Variants in TERF2IP observed in about 807,000 individuals in gnomAD.
TERF2IP encodes TERF2 interacting protein.
TERF2IP carries 35 observed loss-of-function variants against 33.3 expected under a neutral mutation model. The observed-to-expected ratio is 1.05, with a 90% CI of 0.80 to 1.39. The LOEUF (loss-of-function observed/expected upper bound fraction) is 1.39, where lower values mean the gene tolerates loss of function less well. Among genes scored for constraint, TERF2IP ranks in the 40% most tolerant of loss-of-function variants. The pLI is 0.00. For missense variants in TERF2IP, 583 were observed against 524.8 expected, an observed-to-expected ratio of 1.11 and a Z score of -1.08; for synonymous variants, 253 against 223.2, an observed-to-expected ratio of 1.13 and a Z score of -1.19.
chr16:75,654,305 G>A lies in TERF2IP; in HGVS notation c.703G>A (p.Glu235Lys). ...PQNKRTPDLP[E>K]EEYVKEEIQE... ...GAATAAGAGAACTCCAGATTTGCCT[G>A]AAGAAGAGTATGTGAAGGAAGAAAT... Residue 235 changes from glutamate (E) to lysine (K), a missense_variant, in exon 2 of 3, where the codon GAA becomes AAA. Physicochemically the swap from Glu to Lys is moderately conservative, Grantham distance 56 (BLOSUM62 1). Coordinates refer to ENST00000300086, the MANE Select transcript of TERF2IP (RefSeq NM_018975.4). The A allele has an allele frequency of 6.2e-7, 1 of 1,613,888 alleles. No homozygotes were observed. Among genetic ancestry groups the A allele is most frequent in the South Asian group, 1.1e-5 (1 of 91,068 alleles).
Position 75,648,143 on chromosome 16 carries a change from C to T in TERF2IP, c.261C>T (p.Cys87=), listed in dbSNP as rs1265323706. The T allele has an allele frequency of 1.3e-6, 2 of 1,563,356 alleles. No homozygotes were observed. Among genetic ancestry groups the T allele is most frequent in the African/African-American group, 1.3e-5 (1 of 74,320 alleles). Residue 87 remains cysteine (C), a synonymous_variant, in exon 1 of 3, where the codon TGC becomes TGT. Transcript: ENST00000300086. ...TCTCCACGCAGTACATCCTGGACTG[C>T]GTGGAGCGCAACGAGAGGCTGGAGC... is the stretch of plus-strand genomic sequence containing the variant. The part of the protein sequence containing the change: ...DFISTQYILD[C]VERNERLELE...
Position 75,648,247 on chromosome 16 carries a change from C to T in TERF2IP, c.365C>T (p.Ala122Val). 1 of 1,545,446 alleles carries T rather than the reference C, an allele frequency of 6.5e-7. No homozygotes were observed. The highest frequency in any genetic ancestry group is 8.7e-7 in the Non-Finnish European group (1 of 1,144,924). ...EAKPGALAEGAAEPEPQRHAG... is the reference protein window; with the variant it reads ...EAKPGALAEGVAEPEPQRHAG... ...AAGCCCGGGGCCCTGGCCGAGGGCG[C>T]CGCGGAGCCGGAGCCGCAGCGGCAC... The change falls in exon 1 of 3, where the codon GCC (alanine) becomes GTC (valine). Residue 122 changes from alanine to valine, a missense_variant. By Grantham distance (64) the Ala-to-Val change is moderately conservative. Coordinates refer to ENST00000300086, the MANE Select transcript of TERF2IP (RefSeq NM_018975.4).
intron 1 of TERF2IP, among the ~76,000 whole-genome samples, chr16:75,653,914 CT>C: frequency 6.6e-6 from 1 of 152,278 alleles, no homozygotes; most frequent in Non-Finnish European, 1.5e-5. Flanking sequence ...CCATCTCCAT[CT>C]CAGAATTTGC....
intron 1 of TERF2IP, among the ~76,000 whole-genome samples, chr16:75,650,682 C>G (rs1011911054): frequency 6.6e-6 from 1 of 152,126 alleles, no homozygotes; most frequent in Non-Finnish European, 1.5e-5. Context: ...ACTACAGGCA[C>G]TCGTCACCAT....
rs964930518 is a variant in TERF2IP at position 75,648,297 on chromosome 16, G to A, written c.415G>A (p.Ala139Thr). 5 of 1,554,088 alleles carry A rather than the reference G, an allele frequency of 3.2e-6. No individual in the cohort carries two copies. The African/African-American group carries it at 6.8e-5, about 21-fold the overall frequency. Reference protein sequence around the residue: ...RHAGRIAFTDADDVAILTYVK... With the variant: ...RHAGRIAFTDTDDVAILTYVK... ...CGCCGGGCGGATCGCCTTCACGGAT[G>A]CGGACGACGTAGCCATCCTTACCTA... Residue 139 changes from alanine to threonine, a missense_variant, in exon 1 of 3, where the codon GCG becomes ACG. Physicochemically the swap from Ala to Thr is moderately conservative, Grantham distance 58. Transcript: ENST00000300086.
intron 1 of TERF2IP, among the ~76,000 whole-genome samples, chr16:75,648,917 A>C (rs1369884092): frequency 2.0e-5 from 3 of 151,992 alleles, no homozygotes; most frequent in Middle Eastern, 3.4e-3. Flanking sequence ...GCTGTGATGC[A>C]GCCGCGCGAT....
intron 1 of TERF2IP, among the ~76,000 whole-genome samples, chr16:75,649,068 T>G (rs2082326795): frequency 6.7e-6 from 1 of 149,714 alleles, no homozygotes; most frequent in South Asian, 2.1e-4. Context: ...GGTCTCGTTG[T>G]GTTGCCCTGA....
chr16:75,653,626 C>T (rs977382419), intron 1 of TERF2IP, among the ~76,000 whole-genome samples: 5 of 152,150 alleles, frequency 3.3e-5, no homozygotes, highest in African/African-American at 7.2e-5. Flanking sequence ...GATTGTGGTA[C>T]GTGGCCCAGA....
chr16:75,656,795 AAAG>A lies in TERF2IP; in HGVS notation c.*187_*189del. ...AGAGTTGTAGAGGGGGATAAAAAGA[AAAG>A]AAATTGGATGTATTTACAGCTGTCC... On this transcript the variant is annotated 3_prime_UTR_variant, in exon 3 of 3. Coordinates refer to ENST00000300086, the MANE Select transcript of TERF2IP (RefSeq NM_018975.4). 1.7e-6 allele frequency: 1 copy of A among 599,460 alleles called. No homozygotes were observed. Among genetic ancestry groups the A allele is most frequent in the Non-Finnish European group, 2.9e-6 (1 of 343,322 alleles). 37.1% of individuals were successfully genotyped at this position (599,460 alleles called of 1,614,324 possible). A position where few individuals can be genotyped will look rare whatever the true frequency, so the allele number is the denominator to read the frequency against.
chr16:75,652,726 A>G (rs1189889415), intron 1 of TERF2IP, among the ~76,000 whole-genome samples: 1 of 152,208 alleles, frequency 6.6e-6, no homozygotes, highest in Admixed American at 6.5e-5. Flanking sequence ...TATATACCGT[A>G]AAATTTACAG....
intron 1 of TERF2IP, 100 bp from the exon 2 acceptor site, chr16:75,654,173 A>AAAAT: frequency 4.2e-6 from 3 of 716,334 alleles, no homozygotes; most frequent in Non-Finnish European, 5.9e-6. Flanking sequence ...AAAAAAAAAA[A>AAAAT]GTGCAGGCTC....
rs943777765 is a variant in TERF2IP, at chr16:75,652,787, A to G, written c.671-1486A>G. Among the ~76,000 whole-genome samples, 11 of 152,286 alleles carry G rather than the reference A, an allele frequency of 7.2e-5. No homozygotes were observed. In the South Asian group the frequency reaches 2.3e-3, roughly 32 times the overall value. ...TTCAGTGGCATTATTAAGTGCATTC[A>G]CATTGTTGGGCAACTGTCACCACCA... is the stretch of plus-strand genomic sequence containing the variant. On this transcript the variant is annotated intron_variant, in intron 1 of 2. Coordinates refer to ENST00000300086, the MANE Select transcript of TERF2IP (RefSeq NM_018975.4).
chr16:75,647,983 G>A lies in TERF2IP; in HGVS notation c.101G>A (p.Arg34Gln). The part of the protein sequence containing the change: ...DDGSSMSFYV[R>Q]PSPAKRRLST... ...GGCAGCTCCATGTCCTTCTACGTGC[G>A]GCCCAGCCCGGCCAAGCGTCGGCTG... Residue 34 changes from arginine to glutamine, a missense_variant, in exon 1 of 3, where the codon CGG becomes CAG. By Grantham distance (43) the Arg-to-Gln change is conservative (BLOSUM62 1). Transcript: ENST00000300086. 1.9e-6 allele frequency: 3 copies of A among 1,613,616 alleles called. No homozygotes were observed. Among genetic ancestry groups the A allele is most frequent in the Non-Finnish European group, 2.5e-6 (3 of 1,179,858 alleles).
In TERF2IP at chr16:75,650,445, G is replaced by A. The variant is rs142336504; in HGVS notation, c.670+1893G>A. The stretch of plus-strand genomic sequence containing the variant: ...GAGTGGCTGTTAATGGAGTAGGAGG[G>A]AGAATTAATTATAGCAGATGAGGTT... On this transcript the variant is annotated intron_variant, in intron 1 of 2. Coordinates refer to ENST00000300086, the MANE Select transcript of TERF2IP (RefSeq NM_018975.4). 2.7e-3 allele frequency among the ~76,000 whole-genome samples: 418 copies of A among 152,326 alleles called. 3 individuals are homozygous for A. The highest frequency in any genetic ancestry group is 9.6e-3 in the African/African-American group (399 of 41,576).
At chr16:75,654,126 A>G (rs1289433544) in intron 1 of TERF2IP, 147 bp from the exon 2 acceptor site, 2 of 657,558 alleles carry the variant, frequency 3.0e-6, no homozygotes, top group Non-Finnish European at 4.5e-6. Context: ...CTTCTGAATC[A>G]AGAACAGATG....
intron 1 of TERF2IP, among the ~76,000 whole-genome samples, chr16:75,652,811 C>T (rs2082357032): frequency 1.3e-5 from 2 of 152,138 alleles, no homozygotes; most frequent in Admixed American, 1.3e-4. Flanking sequence ...CTGTCACCAC[C>T]ATCTGTATCT....
rs1205836557 is a variant in TERF2IP at position 75,656,468 on chromosome 16, G to A, written c.1057G>A (p.Gly353Ser). The A allele has an allele frequency of 6.2e-7, 1 of 1,614,164 alleles. No individual in the cohort carries two copies. The highest frequency in any genetic ancestry group is 1.6e-4 in the Middle Eastern group (1 of 6,062). The change falls in exon 3 of 3, where the codon GGT (glycine) becomes AGT (serine). Residue 353 changes from glycine (G) to serine (S), a missense_variant. By Grantham distance (56) the Gly-to-Ser change is moderately conservative. Coordinates refer to ENST00000300086, the MANE Select transcript of TERF2IP (RefSeq NM_018975.4). ...LEATSAFLAS[G>S]QRADGYPIWS... ...GGCTACTTCCGCCTTCTTAGCGTCTGGTCAGAGAGCTGATGGATATCCCAT... is the reference window on the plus strand; with the variant it reads ...GGCTACTTCCGCCTTCTTAGCGTCTAGTCAGAGAGCTGATGGATATCCCAT...
At chr16:75,652,242 A>G (rs1257526478) in intron 1 of TERF2IP, among the ~76,000 whole-genome samples, 1 of 152,202 alleles carries the variant, frequency 6.6e-6, no homozygotes, top group African/African-American at 2.4e-5. Flanking sequence ...GCTCATAGTA[A>G]TACTAGCACA....
intron 2 of TERF2IP, among the ~76,000 whole-genome samples, chr16:75,655,579 G>C (rs1044449328): frequency 6.6e-6 from 1 of 152,188 alleles, no homozygotes; most frequent in Non-Finnish European, 1.5e-5. Context: ...TTTATTATTT[G>C]ATATTTGGTT....
Sources: allele counts gnomAD v4.1 joint callset (sites outside exome capture counted in the v4.1 genomes callset), GRCh38; gene constraint gnomAD v4.1.1; transcripts MANE v1.5; gene names NCBI Gene and HGNC (gene_info 2026-07-23, HGNC 2026-07-21).